The following RNF121 variants were observed in gnomAD, a reference collection of about 807,000 sequenced individuals.
RNF121 encodes E3 ubiquitin ligase RNF121.
In RNF121, 21 loss-of-function variants were observed where a neutral mutation model predicts 46.5. That is an observed-to-expected ratio of 0.45 (90% confidence interval 0.32 to 0.65). The LOEUF (loss-of-function observed/expected upper bound fraction) is 0.65. RNF121 is among the 30% of genes least tolerant of loss of function. The pLI is 0.04. For missense variants in RNF121, 346 were observed against 416.0 expected (o/e 0.83, Z 1.46); for synonymous variants, 139 against 144.7 (o/e 0.96, Z 0.28).
Position 71,997,362 on chromosome 11 carries a change from T to A in RNF121, c.*1047T>A, listed in dbSNP as rs1955005090. On this transcript the variant is annotated 3_prime_UTR_variant, in exon 9 of 9. Coordinates refer to ENST00000361756, the MANE Select transcript of RNF121 (RefSeq NM_018320.5). ...GTCATTCATGGGTCCTCCCTGGGCC[T>A]GACAACGGGAGTGGTGGGTGGGTGA... 2 of 152,254 alleles carry A rather than the reference T, an allele frequency of 1.3e-5. No individual in the cohort carries two copies. The highest frequency in any genetic ancestry group is 2.4e-5 in the African/African-American group (1 of 41,520). 9.4% of individuals were successfully genotyped at this position (152,254 alleles called of 1,614,324 possible). A position where few individuals can be genotyped will look rare whatever the true frequency, so the allele number is the denominator to read the frequency against.
intron 3 of RNF121, among the ~76,000 whole-genome samples, chr11:71,974,361 A>G (rs1462103559): frequency 6.6e-6 from 1 of 152,240 alleles, no homozygotes; most frequent in East Asian, 1.9e-4. Context: ...GATTTAAAAA[A>G]TACTCCACCT....
chr11:71,967,118 G>A (rs887623132), intron 3 of RNF121, among the ~76,000 whole-genome samples: 5 of 149,304 alleles, frequency 3.3e-5, no homozygotes, highest in African/African-American at 1.2e-4. Flanking sequence ...TGATCCACCC[G>A]CCTCGGCCTC....
intron 3 of RNF121, chr11:71,977,957 A>G: frequency 7.4e-6 from 2 of 269,622 alleles, no homozygotes; most frequent in South Asian, 6.0e-5. Flanking sequence ...AGGCCCTGCA[A>G]TTGTTCTGCA....
At chr11:71,934,822 A>G (rs1828766910) in intron 1 of RNF121, among the ~76,000 whole-genome samples, 1 of 152,160 alleles carries the variant, frequency 6.6e-6, no homozygotes, top group African/African-American at 2.4e-5. Context: ...ATAGATGCTT[A>G]GAAGCCTGTG....
chr11:71,960,374 C>G (rs1954101919), intron 2 of RNF121, among the ~76,000 whole-genome samples: 1 of 152,182 alleles, frequency 6.6e-6, no homozygotes, highest in Admixed American at 6.5e-5. Context: ...TCTATAACCT[C>G]TTTGGGTTAC....
chr11:71,960,817 A>G lies in RNF121; in HGVS notation c.169A>G (p.Ile57Val). Residue 57 changes from isoleucine to valine, a missense_variant, in exon 3 of 9, where the codon ATC (isoleucine) becomes GTC (valine). Ile to Val is a conservative substitution (Grantham distance 29, BLOSUM62 3). Coordinates refer to ENST00000361756, the MANE Select transcript of RNF121 (RefSeq NM_018320.5). Reference protein sequence around the residue: ...HEAMHAEMVLILIATLVVAQL... With the variant: ...HEAMHAEMVLVLIATLVVAQL... ...AGCTATGCATGCTGAAATGGTCCTC[A>G]TCCTCATCGCAACCTTGGTGGTGGC... The G allele has an allele frequency of 1.2e-6, 2 of 1,614,164 alleles. No homozygotes were observed. The highest frequency in any genetic ancestry group is 1.7e-6 in the Non-Finnish European group (2 of 1,180,020).
chr11:71,940,203 G>A (rs1324999010), intron 1 of RNF121, among the ~76,000 whole-genome samples: 4 of 152,198 alleles, frequency 2.6e-5, no homozygotes, highest in Non-Finnish European at 2.9e-5. Flanking sequence ...CACTATGTTA[G>A]GGATTTGGGT....
At chr11:71,929,613 G>A (rs1404603608) in intron 1 of RNF121, among the ~76,000 whole-genome samples, 1 of 152,146 alleles carries the variant, frequency 6.6e-6, no homozygotes, top group Non-Finnish European at 1.5e-5. Context: ...TTTATTTATC[G>A]TTCCATTCTA....
At chr11:71,964,334 A>G (rs1013034381) in intron 3 of RNF121, among the ~76,000 whole-genome samples, 1 of 152,168 alleles carries the variant, frequency 6.6e-6, no homozygotes, top group African/African-American at 2.4e-5. Flanking sequence ...TAGAATTTCA[A>G]CTGATCGTTT....
chr11:71,959,267 TC>T (rs1565149059), intron 2 of RNF121, among the ~76,000 whole-genome samples: 1 of 152,118 alleles, frequency 6.6e-6, no homozygotes, highest in Non-Finnish European at 1.5e-5. Context: ...CACCAAGTTT[TC>T]CCCCCTTACA....
At chr11:71,931,462 C>A (rs1953276172) in intron 1 of RNF121, among the ~76,000 whole-genome samples, 1 of 152,142 alleles carries the variant, frequency 6.6e-6, no homozygotes, top group African/African-American at 2.4e-5. Context: ...GTCTGGCAGA[C>A]CTTAGTTGGT....
chr11:71,983,212 A>G (rs898649800), intron 4 of RNF121: 28 of 233,306 alleles, frequency 1.2e-4, no homozygotes, highest in African/African-American at 4.5e-4. Context: ...GTTTTCTTCT[A>G]TGAACCCTTC....
chr11:71,968,888 CTTTT>C (rs10686485), intron 3 of RNF121, among the ~76,000 whole-genome samples: 1 of 134,644 alleles, frequency 7.4e-6, no homozygotes, highest in Non-Finnish European at 1.5e-5. Flanking sequence ...TTCTTTCTTT[CTTTT>C]TTTTTTTTTT....
intron 1 of RNF121, 124 bp from the exon 2 acceptor site, chr11:71,957,103 T>C (rs970318499): frequency 3.0e-5 from 23 of 775,714 alleles, no homozygotes; most frequent in African/African-American, 1.4e-4. Flanking sequence ...TAAGGCTTCA[T>C]AGAGATACTA....
At chr11:71,978,533 C>G (rs1006756422) in intron 3 of RNF121, among the ~76,000 whole-genome samples, 3 of 152,166 alleles carry the variant, frequency 2.0e-5, no homozygotes, top group Non-Finnish European at 4.4e-5. Flanking sequence ...CTGGTCTTTG[C>G]TCCTTTGTAT....
chr11:71,993,576 G>A (rs978871250), intron 6 of RNF121, among the ~76,000 whole-genome samples: 1 of 152,014 alleles, frequency 6.6e-6, no homozygotes, highest in African/African-American at 2.4e-5. Context: ...GTGTGACACC[G>A]CATTTGGTTT....
chr11:71,980,537 G>A (rs879830386), intron 3 of RNF121, among the ~76,000 whole-genome samples: 14 of 152,232 alleles, frequency 9.2e-5, no homozygotes, highest in Admixed American at 9.2e-4. Flanking sequence ...AGTAGAGACG[G>A]GGTTTCACCA....
chr11:71,937,782 A>G (rs1953455671), intron 1 of RNF121, among the ~76,000 whole-genome samples: 1 of 152,224 alleles, frequency 6.6e-6, no homozygotes, highest in African/African-American at 2.4e-5. Flanking sequence ...ATGTAGGCCC[A>G]GTAATCCTGG....
At chr11:71,985,021 A>G (rs1022179192) in intron 4 of RNF121, among the ~76,000 whole-genome samples, 2 of 152,106 alleles carry the variant, frequency 1.3e-5, no homozygotes, top group African/African-American at 4.8e-5. Flanking sequence ...TCCTAGGCTC[A>G]ACCAATTTTC....
Sources: allele counts gnomAD v4.1 joint callset (sites outside exome capture counted in the v4.1 genomes callset), GRCh38; gene constraint gnomAD v4.1.1; transcripts MANE v1.5; gene names NCBI Gene and HGNC (gene_info 2026-07-23, HGNC 2026-07-21).